Variants in VKORC1L1 observed in about 807,000 individuals in gnomAD.
The protein encoded by VKORC1L1 is vitamin K epoxide reductase complex subunit 1-like protein 1.
In VKORC1L1, 2 loss-of-function variants were observed where a neutral mutation model predicts 18.9. That is an observed-to-expected ratio of 0.11 (90% CI 0.04 to 0.33). The LOEUF (loss-of-function observed/expected upper bound fraction) is 0.33. Among genes scored for constraint, VKORC1L1 ranks in the 10% least tolerant of loss-of-function variants. The pLI, the probability that VKORC1L1 is intolerant of heterozygous loss-of-function variation, is 1.00. For synonymous variants in VKORC1L1, 96 were observed against 100.0 expected (o/e 0.96, Z 0.24); for missense variants, 123 against 224.1 (o/e 0.55, Z 2.88).
intron 1 of VKORC1L1, among the ~76,000 whole-genome samples, chr7:65,934,119 C>T (rs1205353597): frequency 2.6e-5 from 4 of 152,008 alleles, no homozygotes; most frequent in East Asian, 1.9e-4. Context: ...AAATTAGCTG[C>T]GTGTGGTGGC....
chr7:65,915,480 T>C (rs1353740518), intron 1 of VKORC1L1, among the ~76,000 whole-genome samples: 1 of 143,916 alleles, frequency 6.9e-6, no homozygotes, highest in African/African-American at 2.6e-5. Flanking sequence ...CTGCGATCTC[T>C]CCTCACTGCA....
intron 2 of VKORC1L1, among the ~76,000 whole-genome samples, chr7:65,951,304 A>G (rs901310363): frequency 3.3e-5 from 5 of 152,218 alleles, no homozygotes; most frequent in Non-Finnish European, 7.3e-5. Context: ...GACCGGGCAC[A>G]GTGGCTCATG....
intron 1 of VKORC1L1, among the ~76,000 whole-genome samples, chr7:65,903,001 G>A (rs1789344903): frequency 6.6e-6 from 1 of 150,658 alleles, no homozygotes; most frequent in Non-Finnish European, 1.5e-5. Context: ...TGAGTAGCTG[G>A]GATTACAGGC....
At position 65,893,116 on chromosome 7, in the gene VKORC1L1, TC is replaced by T. The variant is rs541001097; in HGVS notation, c.194+19553del. Among the ~76,000 whole-genome samples the T allele has an allele frequency of 2.6e-3, 397 of 152,334 alleles. 2 individuals are homozygous for T. Among genetic ancestry groups the T allele is most frequent in the African/African-American group, 9.1e-3 (380 of 41,582 alleles). On this transcript the variant is annotated intron_variant, in intron 1 of 2. Coordinates refer to ENST00000360768, the MANE Select transcript of VKORC1L1 (RefSeq NM_173517.6). Reference sequence around the variant, plus strand: ...ACATTAAGGAGATTTCCAAAACATATCCAACAGTGCCACTCTTCTCACTCAT... The same window carrying T: ...ACATTAAGGAGATTTCCAAAACATATCAACAGTGCCACTCTTCTCACTCAT...
At position 65,887,230 on chromosome 7, in the gene VKORC1L1, G is replaced by A. The variant is rs562738026; in HGVS notation, c.194+13665G>A. 2.1e-4 allele frequency among the ~76,000 whole-genome samples: 32 copies of A among 152,062 alleles called. 1 individual carries two copies. Among genetic ancestry groups the A allele is most frequent in the Admixed American group, 1.9e-3 (29 of 15,252 alleles). On this transcript the variant is annotated intron_variant, in intron 1 of 2. Coordinates refer to ENST00000360768, the MANE Select transcript of VKORC1L1 (RefSeq NM_173517.6). ...CTTTTGCCATATGCTTGTATCATCT[G>A]TACTGTTAATTCATAACAGTTTTCT...
chr7:65,900,465 A>C (rs1195452232), intron 1 of VKORC1L1, among the ~76,000 whole-genome samples: 1 of 152,060 alleles, frequency 6.6e-6, no homozygotes, highest in Non-Finnish European at 1.5e-5. Context: ...TTAATACCTT[A>C]AGTGAATTAA....
chr7:65,920,925 GGAAAGAAAGAA>G (rs1383822310), intron 1 of VKORC1L1, among the ~76,000 whole-genome samples: 2 of 151,692 alleles, frequency 1.3e-5, no homozygotes, highest in African/African-American at 2.4e-5. Flanking sequence ...AAAAGGAGAA[GGAAAGAAAGAA>G]GAAAGAAAGA....
upstream of VKORC1L1, among the ~76,000 whole-genome samples, chr7:65,869,828 T>A (rs1218577809): frequency 2.0e-5 from 3 of 151,764 alleles, no homozygotes; most frequent in Non-Finnish European, 2.9e-5. Flanking sequence ...GTTGTATTTT[T>A]ATTTTTTGTA....
upstream of VKORC1L1, among the ~76,000 whole-genome samples, chr7:65,872,413 G>A (rs144006459): frequency 5.1e-4 from 78 of 151,810 alleles, 1 homozygote; most frequent in East Asian, 0.013. Flanking sequence ...CCCGGGTTCC[G>A]GCAATTCTCA....
In VKORC1L1 at chr7:65,954,365, T is replaced by TA. The variant is rs1790259871; in HGVS notation, c.*65_*66insA. ...CCATTCAGTTTATTTTGCAGCAGGT[T>TA]TTTATTATTATTATTATTATTATTA... On this transcript the variant is annotated 3_prime_UTR_variant, in exon 3 of 3. Transcript: ENST00000360768. The TA allele has an allele frequency of 2.6e-6, 4 of 1,527,122 alleles. No individual in the cohort carries two copies. The highest frequency in any genetic ancestry group is 2.6e-6 in the Non-Finnish European group (3 of 1,143,558). The allele number at this position is 1,527,122 out of a possible 1,614,324, so 94.6% of individuals were successfully genotyped here.
At chr7:65,908,897 T>TA (rs1231289619) in intron 1 of VKORC1L1, among the ~76,000 whole-genome samples, 1 of 151,350 alleles carries the variant, frequency 6.6e-6, no homozygotes, top group Non-Finnish European at 1.5e-5. Flanking sequence ...GATGAAGTAT[T>TA]AAAAAATAAA....
At chr7:65,880,508 G>A (rs1361967573) in intron 1 of VKORC1L1, among the ~76,000 whole-genome samples, 1 of 152,114 alleles carries the variant, frequency 6.6e-6, no homozygotes, top group Non-Finnish European at 1.5e-5. Context: ...GGCACATGGA[G>A]GGAGGGGGAG....
intron 1 of VKORC1L1, among the ~76,000 whole-genome samples, chr7:65,918,590 G>C (rs1015486850): frequency 4.6e-5 from 7 of 152,192 alleles, no homozygotes; most frequent in Non-Finnish European, 1.0e-4. Context: ...TCTCAGCCAG[G>C]TGTCAGTAAC....
chr7:65,952,516 T>G (rs959453012), intron 2 of VKORC1L1, among the ~76,000 whole-genome samples: 3 of 152,082 alleles, frequency 2.0e-5, no homozygotes, highest in African/African-American at 4.8e-5. Flanking sequence ...CACAGGCGTC[T>G]TCTTGTTGCA....
intron 1 of VKORC1L1, among the ~76,000 whole-genome samples, chr7:65,946,631 A>G (rs989738265): frequency 2.0e-5 from 3 of 152,104 alleles, no homozygotes; most frequent in Admixed American, 1.3e-4. Flanking sequence ...AGGTGTGTCC[A>G]TTGCTGCAGG....
intron 1 of VKORC1L1, among the ~76,000 whole-genome samples, chr7:65,918,706 C>T (rs1789627644): frequency 6.6e-6 from 1 of 152,204 alleles, no homozygotes; most frequent in Non-Finnish European, 1.5e-5. Context: ...TAAGAGGTAA[C>T]TGAGAAAATA....
intron 1 of VKORC1L1, among the ~76,000 whole-genome samples, chr7:65,916,796 C>G (rs554335182): frequency 6.6e-6 from 1 of 152,208 alleles, no homozygotes; most frequent in Non-Finnish European, 1.5e-5. Context: ...CGGGGTTTCT[C>G]CATGTTGGTC....
At chr7:65,893,793 G>A (rs967788169) in intron 1 of VKORC1L1, among the ~76,000 whole-genome samples, 5 of 152,176 alleles carry the variant, frequency 3.3e-5, no homozygotes, top group African/African-American at 7.2e-5. Context: ...AGAATCACTC[G>A]TCTAGTTTTA....
chr7:65,880,115 A>G (rs1160433565), intron 1 of VKORC1L1, among the ~76,000 whole-genome samples: 2 of 152,064 alleles, frequency 1.3e-5, no homozygotes, highest in Non-Finnish European at 2.9e-5. Flanking sequence ...TGGCCTCCCA[A>G]AGTGCTGAGA....
Sources: allele counts gnomAD v4.1 joint callset (sites outside exome capture counted in the v4.1 genomes callset), GRCh38; gene constraint gnomAD v4.1.1; transcripts MANE v1.5; gene names NCBI Gene and HGNC (gene_info 2026-07-23, HGNC 2026-07-21).